PTPN3: variants seen among roughly 807,000 people sequenced by gnomAD.
PTPN3 encodes protein tyrosine phosphatase non-receptor type 3, also known as tyrosine-protein phosphatase non-receptor type 3.
In PTPN3, 96 loss-of-function variants were observed where a neutral mutation model predicts 132.7. That is an observed-to-expected ratio of 0.72 (90% CI 0.61 to 0.86). The LOEUF (loss-of-function observed/expected upper bound fraction) is 0.86. Ranked by LOEUF, PTPN3 falls within the 40% of genes least tolerant of loss-of-function variation. PTPN3 has a pLI of 0.00. For missense variants in PTPN3, 1,125 were observed against 1,159.6 expected (o/e 0.97, Z 0.43); for synonymous variants, 398 against 429.0 (o/e 0.93, Z 0.89).
At chr9:109,437,032 T>C (rs1336882170) in intron 8 of PTPN3, 62 bp from the exon 9 acceptor site, 1 of 1,602,692 alleles carries the variant, frequency 6.2e-7, no homozygotes, top group Non-Finnish European at 8.5e-7. Context: ...AACTCCAATT[T>C]TAAAAAATCT....
At position 109,404,538 on chromosome 9, in the gene PTPN3, G is replaced by A. The variant is rs765972528; in HGVS notation, c.1863C>T (p.Pro621=). 1.3e-6 allele frequency: 2 copies of A among 1,569,214 alleles called. No individual in the cohort carries two copies. The highest frequency in any genetic ancestry group is 8.7e-7 in the Non-Finnish European group (1 of 1,151,186). The change falls in exon 19 of 26, where the codon CCC becomes CCT. Residue 621 remains proline, a synonymous_variant. Transcript: ENST00000374541. The stretch of plus-strand genomic sequence containing the variant: ...AAGTGTCCCCACCCTCCGGACACAT[G>A]GGGAAAATGGCTTCGGGGAAAAGCT... The part of the protein sequence containing the change: ...LNQLFPEAIF[P]MCPEGGDTLE...
chr9:109,533,618 T>C, the PTPN3 span: 1 of 1,526,008 alleles, frequency 6.6e-7, no homozygotes, highest in Non-Finnish European at 9.0e-7. Context: ...ATATCCCTGA[T>C]ATATACTCTG....
chr9:109,537,016 G>T, the PTPN3 span, among the ~76,000 whole-genome samples: 1 of 152,064 alleles, frequency 6.6e-6, no homozygotes, highest in Non-Finnish European at 1.5e-5. Flanking sequence ...AGGGTGCAGG[G>T]CAGGGCATGG....
At chr9:109,517,629 T>C in the PTPN3 span, among the ~76,000 whole-genome samples, 2 of 152,198 alleles carry the variant, frequency 1.3e-5, no homozygotes, top group African/African-American at 4.8e-5. Flanking sequence ...TAGGTCTGGG[T>C]TGGAGCCCAG....
intron 1 of PTPN3, among the ~76,000 whole-genome samples, chr9:109,464,067 A>G (rs570372667): frequency 1.3e-5 from 2 of 152,338 alleles, no homozygotes; most frequent in Admixed American, 1.3e-4. Flanking sequence ...AATGCAAATT[A>G]AACCCACAAA....
intron 1 of PTPN3, among the ~76,000 whole-genome samples, chr9:109,480,425 A>G (rs1846904040): frequency 6.6e-6 from 1 of 152,192 alleles, no homozygotes; most frequent in Non-Finnish European, 1.5e-5. Context: ...CAGTCTCCCA[A>G]GGTGCTGGGA....
Position 109,389,154 on chromosome 9 carries a change from C to T in PTPN3, c.2253+79G>A, listed in dbSNP as rs945605628. The T allele has an allele frequency of 2.4e-5, 37 of 1,535,560 alleles. No homozygotes were observed. In the African/African-American group the frequency reaches 4.6e-4, roughly 19 times the overall value. On this transcript the variant is annotated intron_variant, in intron 22 of 25. Transcript: ENST00000374541. The stretch of plus-strand genomic sequence containing the variant: ...GCTGGACCAGGAGACGCTGAAGACC[C>T]TTCTCAGCGCTGAGATTCATGTTAC...
At chr9:109,463,518 AC>A (rs1845948363) in intron 1 of PTPN3, 67 bp from the exon 2 acceptor site, 1 of 1,439,370 alleles carries the variant, frequency 6.9e-7, no homozygotes, top group African/African-American at 1.4e-5. Flanking sequence ...GAGTGCAGAT[AC>A]CTGTCAGATC....
chr9:109,417,479 A>G, intron 14 of PTPN3: 1 of 689,826 alleles, frequency 1.4e-6, no homozygotes, highest in Non-Finnish European at 1.8e-6. Context: ...TGTATAAAAC[A>G]TGTCAAATAT....
At chr9:109,501,632 G>A (rs913672912), upstream of PTPN3, among the ~76,000 whole-genome samples, 7 of 152,136 alleles carry the variant, frequency 4.6e-5, no homozygotes, top group Non-Finnish European at 7.4e-5. Context: ...CAAACCTTAC[G>A]TAAATGGGGC....
Position 109,382,501 on chromosome 9 carries a change from C to G in PTPN3, c.2383-54G>C. On this transcript the variant is annotated intron_variant, in intron 23 of 25. Transcript: ENST00000374541. The stretch of plus-strand genomic sequence containing the variant: ...CCCATCCAGGTGGTGAGCATGAGGA[C>G]CCAGCCCCAACCCAGACACAGGGTG... 3 of 1,598,254 alleles carry G rather than the reference C, an allele frequency of 1.9e-6. 1 individual carries two copies. In the South Asian group the frequency reaches 3.3e-5, roughly 18 times the overall value.
At chr9:109,415,782 A>C (rs1413807944) in intron 14 of PTPN3, among the ~76,000 whole-genome samples, 1 of 152,200 alleles carries the variant, frequency 6.6e-6, no homozygotes, top group Non-Finnish European at 1.5e-5. Context: ...GATGTTTCAA[A>C]TAGGTGCAAA....
chr9:109,450,393 G>A (rs1222049744), intron 5 of PTPN3: 1 of 984,738 alleles, frequency 1.0e-6, no homozygotes, highest in Non-Finnish European at 1.2e-6. Flanking sequence ...AGAGAAAGGA[G>A]AGTTATAGAT....
intron 22 of PTPN3, among the ~76,000 whole-genome samples, chr9:109,387,381 A>G (rs1839679014): frequency 1.3e-5 from 2 of 152,240 alleles, no homozygotes; most frequent in Non-Finnish European, 2.9e-5. Context: ...AAGGGGGATT[A>G]TAGAGCTTTG....
At chr9:109,530,570 T>C in the PTPN3 span, among the ~76,000 whole-genome samples, 1 of 152,192 alleles carries the variant, frequency 6.6e-6, no homozygotes, top group African/African-American at 2.4e-5. Flanking sequence ...CTTTTGGGAG[T>C]ATAACCAAAA....
At chr9:109,430,477 G>A (rs1843578172) in intron 10 of PTPN3, among the ~76,000 whole-genome samples, 1 of 152,058 alleles carries the variant, frequency 6.6e-6, no homozygotes, top group African/African-American at 2.4e-5. Context: ...GCACAGACAT[G>A]AACTCTTGTC....
At chr9:109,391,439 G>C (rs144611920) in intron 20 of PTPN3, 32 bp downstream of exon 20, 186 of 1,566,508 alleles carry the variant, frequency 1.2e-4, no homozygotes, top group African/African-American at 7.7e-4. Context: ...CTCAGTGTAG[G>C]GGGGAAGGAG....
At chr9:109,498,924 T>C (rs1357506414), upstream of PTPN3, among the ~76,000 whole-genome samples, 1 of 152,166 alleles carries the variant, frequency 6.6e-6, no homozygotes, top group Non-Finnish European at 1.5e-5. This position sits in a 1 kb window ranked among gnomAD's most constrained non-coding sequence, Gnocchi z 4.2. Context: ...CGCCTTCTCA[T>C]TGTACATAGG....
At chr9:109,401,111 G>A (rs1296729049) in intron 19 of PTPN3, among the ~76,000 whole-genome samples, 1 of 152,220 alleles carries the variant, frequency 6.6e-6, no homozygotes, top group East Asian at 1.9e-4. Context: ...TATCCTACTT[G>A]AGGAACTGTA....
Sources: gnomAD v4.1 joint callset for allele counts (sites outside exome capture counted in the v4.1 genomes callset) on GRCh38, gnomAD v4.1.1 for gene constraint, Gnocchi (gnomAD v3.1) non-coding constraint, MANE v1.5 for transcripts, NCBI Gene and HGNC (gene_info 2026-07-23, HGNC 2026-07-21) for gene names.